Variants in SLC5A12 observed in about 807,000 individuals in gnomAD.
The protein encoded by SLC5A12 is sodium-coupled monocarboxylate transporter 2.
SLC5A12 carries 46 observed loss-of-function variants against 72.7 expected under a neutral mutation model. That is an observed-to-expected ratio of 0.63 (90% confidence interval 0.50 to 0.81). The LOEUF is 0.81. Ranked by LOEUF, SLC5A12 falls within the 30% of genes least tolerant of loss-of-function variation. SLC5A12 has a pLI of 0.00. For missense variants in SLC5A12, 683 were observed against 740.7 expected (o/e 0.92, Z 0.90); for synonymous variants, 275 against 264.4 (o/e 1.04, Z -0.39).
In SLC5A12 at chr11:26,698,438, A is replaced by G; in HGVS notation, c.919T>C (p.Trp307Arg). 6.2e-7 allele frequency: 1 copy of G among 1,614,060 alleles called. No homozygotes were observed. The highest frequency in any genetic ancestry group is 1.1e-5 in the South Asian group (1 of 91,078). ...GGTGCTGAGATGATGCCAGAAGTCC[A>G]AGGGTCACAGTCTTTAAAGTGAGAG... ...MYSHFKDCDP[W>R]TSGIISAPDQ... Residue 307 changes from tryptophan to arginine, a missense_variant, in exon 7 of 15, where the codon TGG becomes CGG. Coordinates refer to ENST00000396005, the MANE Select transcript of SLC5A12 (RefSeq NM_178498.4).
chr11:26,716,774 T>C (rs1209239086), intron 1 of SLC5A12, among the ~76,000 whole-genome samples: 1 of 152,194 alleles, frequency 6.6e-6, no homozygotes, highest in Admixed American at 6.5e-5. Flanking sequence ...ATTCATCCTC[T>C]CTTACAACCC....
intron 9 of SLC5A12, among the ~76,000 whole-genome samples, chr11:26,690,999 A>G (rs1854656773): frequency 1.3e-5 from 2 of 151,504 alleles, no homozygotes; most frequent in Non-Finnish European, 2.9e-5. Context: ...TTTTCTGTAC[A>G]TGAAAATATG....
intron 9 of SLC5A12, among the ~76,000 whole-genome samples, chr11:26,689,542 C>T (rs1854616917): frequency 6.6e-6 from 1 of 152,072 alleles, no homozygotes; most frequent in African/African-American, 2.4e-5. Flanking sequence ...CTAGAGAAGG[C>T]ATAGGAGAAC....
chr11:26,673,373 C>T (rs1243946819), intron 14 of SLC5A12, 29 bp downstream of exon 14: 2 of 1,515,714 alleles, frequency 1.3e-6, no homozygotes, highest in Non-Finnish European at 1.8e-6. Context: ...AGTCCATACA[C>T]ATTTTTAGAA....
At chr11:26,708,450 G>A (rs1464280654) in intron 4 of SLC5A12, among the ~76,000 whole-genome samples, 3 of 152,000 alleles carry the variant, frequency 2.0e-5, no homozygotes, top group South Asian at 2.1e-4. Context: ...AAAAAGATCA[G>A]GCTATTTTAA....
In SLC5A12 at chr11:26,680,408, T is replaced by TATATTCATATATATATATATAC. The variant is rs1554990404; in HGVS notation, c.1475+646_1475+647insGTATATATATATATATGAATAT. 5.2e-4 allele frequency among the ~76,000 whole-genome samples: 42 copies of TATATTCATATATATATATATAC among 80,086 alleles called. 3 individuals carry two copies. Among genetic ancestry groups the TATATTCATATATATATATATAC allele is most frequent in the South Asian group, 9.4e-4 (3 of 3,196 alleles). The allele number at this position is 80,086 out of a possible 152,430, so 52.5% of individuals were successfully genotyped here. On this transcript the variant is annotated intron_variant, in intron 12 of 14. Coordinates refer to ENST00000396005, the MANE Select transcript of SLC5A12 (RefSeq NM_178498.4). ...GTATATATATTCATATATATATATA[T>TATATTCATATATATATATATAC]ATTTCCTCATTTTTCCATCAAGGGC...
Position 26,720,726 on chromosome 11 carries a change from T to C in SLC5A12, c.339+650A>G, listed in dbSNP as rs150176859. On this transcript the variant is annotated intron_variant, in intron 1 of 14. Coordinates refer to ENST00000396005, the MANE Select transcript of SLC5A12 (RefSeq NM_178498.4). ...AACATGATGTCTTCATTGAGAATCA[T>C]TGTAAAGCCAAAACACCACTGCCTC... 6.0e-3 allele frequency among the ~76,000 whole-genome samples: 917 copies of C among 152,330 alleles called. 12 individuals are homozygous for C. In the East Asian group the frequency reaches 0.068, roughly 11 times the overall value.
intron 10 of SLC5A12, among the ~76,000 whole-genome samples, chr11:26,684,434 T>C (rs1854481469): frequency 6.6e-6 from 1 of 152,142 alleles, no homozygotes; most frequent in Non-Finnish European, 1.5e-5. Context: ...AGTGATTACA[T>C]AGGAGAGTCA....
chr11:26,685,336 A>T (rs1179025929), intron 10 of SLC5A12, among the ~76,000 whole-genome samples: 1 of 152,160 alleles, frequency 6.6e-6, no homozygotes, highest in African/African-American at 2.4e-5. Context: ...TTCAGATTAC[A>T]AAAGGCCAGG....
intron 6 of SLC5A12, among the ~76,000 whole-genome samples, chr11:26,701,654 G>A (rs922764086): frequency 2.6e-5 from 4 of 151,892 alleles, no homozygotes; most frequent in African/African-American, 9.7e-5. Flanking sequence ...TTATTACTTG[G>A]CCTTTCTTGT....
chr11:26,701,006 C>G (rs1854945973), intron 6 of SLC5A12, among the ~76,000 whole-genome samples: 1 of 152,160 alleles, frequency 6.6e-6, no homozygotes, highest in African/African-American at 2.4e-5. Context: ...ATTAGGCTCT[C>G]AGATAATGGA....
chr11:26,693,639 A>G (rs1056922615), intron 8 of SLC5A12, among the ~76,000 whole-genome samples: 3 of 152,214 alleles, frequency 2.0e-5, no homozygotes, highest in East Asian at 1.9e-4. Context: ...CACAACTATG[A>G]GAAAAAAATT....
chr11:26,669,538 C>G lies in SLC5A12; in HGVS notation c.*1564G>C, dbSNP rs992277901. 1 of 151,854 alleles carries G rather than the reference C, an allele frequency of 6.6e-6. No individual in the cohort carries two copies. Among genetic ancestry groups the G allele is most frequent in the African/African-American group, 2.4e-5 (1 of 41,364 alleles). 9.4% of individuals were successfully genotyped at this position (151,854 alleles called of 1,614,324 possible). ...TTCTCATCTCTCTTATAAACTGTAG[C>G]CTAATACCTTCTTTCTCTTTCTCCA... is the stretch of plus-strand genomic sequence containing the variant. On this transcript the variant is annotated 3_prime_UTR_variant, in exon 15 of 15. Transcript: ENST00000396005.
chr11:26,679,866 C>T (rs1854350681), intron 12 of SLC5A12, among the ~76,000 whole-genome samples: 1 of 151,720 alleles, frequency 6.6e-6, no homozygotes, highest in South Asian at 2.1e-4. Context: ...CAGAAAGGTG[C>T]TTCAGAAAAA....
At chr11:26,675,771 G>A (rs755217862) in intron 13 of SLC5A12, among the ~76,000 whole-genome samples, 12 of 152,070 alleles carry the variant, frequency 7.9e-5, no homozygotes, top group Non-Finnish European at 1.5e-5. Context: ...TCCCTCTACT[G>A]GGCACAAGCC....
chr11:26,677,360 A>G (rs1854289513), intron 13 of SLC5A12, among the ~76,000 whole-genome samples: 1 of 152,284 alleles, frequency 6.6e-6, no homozygotes, highest in East Asian at 1.9e-4. Context: ...ACATAAGAGC[A>G]TGCTAATTCT....
At chr11:26,705,028 A>G (rs1474709661) in intron 4 of SLC5A12, among the ~76,000 whole-genome samples, 1 of 152,066 alleles carries the variant, frequency 6.6e-6, no homozygotes, top group Admixed American at 6.6e-5. Context: ...TGATTAGGCA[A>G]GAGGTTAGAG....
chr11:26,681,006 C>T, intron 12 of SLC5A12, 49 bp downstream of exon 12: 2 of 1,470,522 alleles, frequency 1.4e-6, no homozygotes, highest in Non-Finnish European at 1.8e-6. Flanking sequence ...TCCCTCTTAC[C>T]AGGTGACCCA....
At chr11:26,685,457 T>C (rs1854507410) in intron 10 of SLC5A12, among the ~76,000 whole-genome samples, 1 of 151,836 alleles carries the variant, frequency 6.6e-6, no homozygotes, top group African/African-American at 2.4e-5. Flanking sequence ...CCATCTCTAC[T>C]AAAACTACAA....
Sources: gnomAD v4.1 joint callset for allele counts (sites outside exome capture counted in the v4.1 genomes callset) on GRCh38, gnomAD v4.1.1 for gene constraint, MANE v1.5 for transcripts, NCBI Gene and HGNC (gene_info 2026-07-23, HGNC 2026-07-21) for gene names.